MTHFD2: variants seen among roughly 807,000 people sequenced by gnomAD.
The protein encoded by MTHFD2 is bifunctional methylenetetrahydrofolate dehydrogenase/cyclohydrolase, mitochondrial.
Under a neutral mutation model 36.8 loss-of-function variants are expected in MTHFD2, and 26 were observed. The observed-to-expected ratio is 0.71, with a 90% CI of 0.52 to 0.98. MTHFD2 has a LOEUF of 0.98. Ranked by LOEUF, MTHFD2 falls within the 50% of genes least tolerant of loss-of-function variation. The probability of loss-of-function intolerance (pLI) is 0.00; values close to 1 mark genes in which losing one functional copy is unlikely to be tolerated. For synonymous variants in MTHFD2, 164 were observed against 155.2 expected (o/e 1.06, Z -0.42); for missense variants, 373 against 434.0 (o/e 0.86, Z 1.25).
intron 1 of MTHFD2, among the ~76,000 whole-genome samples, chr2:74,204,428 C>G (rs1694131527): frequency 6.6e-6 from 1 of 152,172 alleles, no homozygotes; most frequent in East Asian, 1.9e-4. Flanking sequence ...CCCACCTCAG[C>G]AACAGTTTTC....
At chr2:74,210,267 ATAAATT>A (rs1642541217) in intron 5 of MTHFD2, among the ~76,000 whole-genome samples, 1 of 152,366 alleles carries the variant, frequency 6.6e-6, no homozygotes, top group African/African-American at 2.4e-5. Context: ...AGCTTCAGAA[ATAAATT>A]TAAGTTTTGA....
chr2:74,211,158 CT>C, intron 5 of MTHFD2, 40 bp from the exon 6 acceptor site: 2 of 1,321,026 alleles, frequency 1.5e-6, no homozygotes, highest in Non-Finnish European at 2.2e-6. Context: ...CCAATCCCAG[CT>C]TTGTGTCAGA....
At chr2:74,200,586 G>A (rs1194573599) in intron 1 of MTHFD2, among the ~76,000 whole-genome samples, 2 of 151,330 alleles carry the variant, frequency 1.3e-5, no homozygotes, top group Non-Finnish European at 2.9e-5. Flanking sequence ...AGAGTTTCAG[G>A]AACATAAACC....
rs1422658385 is a variant in MTHFD2 at position 74,207,777 on chromosome 2, G to T, written c.360G>T (p.Leu120=). ...EEELLNLINK[L]NNDDNVDGLL... ...AATTGTTGAATTTAATCAATAAACTGAATAATGATGATAATGTAGATGGCC... is the reference window on the plus strand; with the variant it reads ...AATTGTTGAATTTAATCAATAAACTTAATAATGATGATAATGTAGATGGCC... The change falls in exon 3 of 8, where the codon CTG becomes CTT. Residue 120 remains leucine (L), a synonymous_variant. Transcript: ENST00000394053. 6 of 1,606,902 alleles carry T rather than the reference G, an allele frequency of 3.7e-6. No individual in the cohort carries two copies. The highest frequency in any genetic ancestry group is 5.1e-6 in the Non-Finnish European group (6 of 1,174,246).
At chr2:74,202,098 A>G (rs1033826845) in intron 1 of MTHFD2, among the ~76,000 whole-genome samples, 5 of 151,460 alleles carry the variant, frequency 3.3e-5, no homozygotes, top group Non-Finnish European at 5.9e-5. Flanking sequence ...TGCTAATACC[A>G]TTTTCTCTAA....
At position 74,216,252 on chromosome 2, in the gene MTHFD2, G is replaced by A. The variant is rs1457758761; in HGVS notation, c.*2010G>A. On this transcript the variant is annotated 3_prime_UTR_variant, in exon 8 of 8. Transcript: ENST00000394053. ...AAATGTGGAGCAAGATGACCAGACA[G>A]GATTAAATTTTATTGAATTACAGTT... The A allele has an allele frequency of 6.6e-6, 1 of 152,172 alleles. No individual in the cohort carries two copies. The highest frequency in any genetic ancestry group is 2.4e-5 in the African/African-American group (1 of 41,436). The allele number at this position is 152,172 out of a possible 1,614,324, so 9.4% of individuals were successfully genotyped here. A position where few individuals can be genotyped will look rare whatever the true frequency, so the allele number is the denominator to read the frequency against.
intron 1 of MTHFD2, among the ~76,000 whole-genome samples, chr2:74,200,670 C>T (rs966693663): frequency 7.2e-5 from 11 of 151,906 alleles, no homozygotes; most frequent in Non-Finnish European, 1.5e-4. Context: ...AGAAGTTTGC[C>T]TTTGAATCTT....
intron 7 of MTHFD2, 123 bp from the exon 8 acceptor site, chr2:74,213,956 G>A (rs1694370245): frequency 9.6e-7 from 1 of 1,046,530 alleles, no homozygotes; most frequent in Admixed American, 2.4e-5. Flanking sequence ...ATGTAGATGT[G>A]ATTTTTGAGT....
At chr2:74,203,799 G>A (rs368342189) in intron 1 of MTHFD2, among the ~76,000 whole-genome samples, 1 of 149,624 alleles carries the variant, frequency 6.7e-6, no homozygotes, top group Non-Finnish European at 1.5e-5. Flanking sequence ...AAAGGGAAAG[G>A]CTTTTTTTAA....
At chr2:74,204,901 C>A (rs1208672274) in intron 1 of MTHFD2, among the ~76,000 whole-genome samples, 1 of 152,226 alleles carries the variant, frequency 6.6e-6, no homozygotes, top group African/African-American at 2.4e-5. Context: ...TCTCAGCTCA[C>A]CGCAACCTCT....
intron 6 of MTHFD2, chr2:74,211,494 T>A (rs1246831261): frequency 2.1e-6 from 1 of 475,458 alleles, no homozygotes; most frequent in East Asian, 3.3e-5. Flanking sequence ...TGAATGTTAT[T>A]CCTAAAGCTT....
At position 74,203,871 on chromosome 2, in the gene MTHFD2, G is replaced by GTT. The variant is rs1447321520; in HGVS notation, c.102-1832_102-1831dup. Among the ~76,000 whole-genome samples the GTT allele has an allele frequency of 4.2e-4, 18 of 42,820 alleles. No homozygotes were observed. The South Asian group carries it at 8.3e-3, about 20-fold the overall frequency. The allele number at this position is 42,820 out of a possible 152,430, so 28.1% of individuals were successfully genotyped here. A position where few individuals can be genotyped will look rare whatever the true frequency, so the allele number is the denominator to read the frequency against. ...GTTTAGTTTAGTTTAGTTTAGTTTA[G>GTT]TTTAGTTTAGTTTAGTTTAGTTTAG... On this transcript the variant is annotated intron_variant, in intron 1 of 7. Transcript: ENST00000394053.
chr2:74,206,521 C>T (rs1419169861), intron 2 of MTHFD2: 1 of 152,252 alleles, frequency 6.6e-6, no homozygotes, highest in East Asian at 1.9e-4. Context: ...GCCTGCCCAT[C>T]TGTGGGCCTG....
rs1572994046 is a variant in MTHFD2 at position 74,217,127 on chromosome 2, G to A, written c.*2885G>A. ...CAATTACCTGTCCTATACTCAAGGTGTTAATGATCTAGTGTCATTTTTCTT... is the reference window on the plus strand; with the variant it reads ...CAATTACCTGTCCTATACTCAAGGTATTAATGATCTAGTGTCATTTTTCTT... On this transcript the variant is annotated 3_prime_UTR_variant, in exon 8 of 8. Transcript: ENST00000394053. 1 of 152,324 alleles carries A rather than the reference G, an allele frequency of 6.6e-6. No homozygotes were observed. Among genetic ancestry groups the A allele is most frequent in the African/African-American group, 2.4e-5 (1 of 41,570 alleles). 9.4% of individuals were successfully genotyped at this position (152,324 alleles called of 1,614,324 possible).
chr2:74,205,149 A>G (rs963996716), intron 1 of MTHFD2, among the ~76,000 whole-genome samples: 7 of 152,080 alleles, frequency 4.6e-5, no homozygotes, highest in African/African-American at 1.7e-4. Context: ...TCAACTACAG[A>G]ATATAATTTA....
chr2:74,205,962 G>T, intron 2 of MTHFD2, 73 bp downstream of exon 2: 1 of 1,486,958 alleles, frequency 6.7e-7, no homozygotes, highest in East Asian at 2.3e-5. Flanking sequence ...TCTAATTTAT[G>T]ATTTCTTTTT....
At chr2:74,203,259 G>A (rs76936058) in intron 1 of MTHFD2, among the ~76,000 whole-genome samples, 16,699 of 152,110 alleles carry the variant, frequency 0.11, 1,321 homozygotes, top group East Asian at 0.38. Context: ...GCCCACCTTG[G>A]CCTCCCAAAA....
Position 74,205,812 on chromosome 2 carries a change from T to G in MTHFD2, c.209T>G (p.Leu70Arg). The change falls in exon 2 of 8, where the codon CTG becomes CGG. Residue 70 changes from leucine (L) to arginine (R), a missense_variant. By Grantham distance (102) the Leu-to-Arg change is moderately radical (BLOSUM62 -2). This residue lies in a region of MTHFD2 where 308 missense variants were observed against 397.8 expected (regional missense o/e 0.77). Coordinates refer to ENST00000394053, the MANE Select transcript of MTHFD2 (RefSeq NM_006636.4). Reference sequence around the variant, plus strand: ...GCCTCAGGCAACAAACGGCCACACCTGAGTGTGATCCTGGTTGGCGAGAAT... The same window carrying G: ...GCCTCAGGCAACAAACGGCCACACCGGAGTGTGATCCTGGTTGGCGAGAAT... ...WVASGNKRPH[L>R]SVILVGENPA... 6.2e-6 allele frequency: 10 copies of G among 1,613,820 alleles called. No individual in the cohort carries two copies. The highest frequency in any genetic ancestry group is 1.3e-5 in the African/African-American group (1 of 74,982).
In MTHFD2 at chr2:74,214,403, T is replaced by C; in HGVS notation, c.*161T>C. 1 of 687,436 alleles carries C rather than the reference T, an allele frequency of 1.5e-6. No individual in the cohort carries two copies. The allele number at this position is 687,436 out of a possible 1,614,324, so 42.6% of individuals were successfully genotyped here. On this transcript the variant is annotated 3_prime_UTR_variant, in exon 8 of 8. Transcript: ENST00000394053. ...ATGGGTGGGTGTTTCTGCACATACC[T>C]CTGCAGTACCTCACCAGGGAGCATT...
Sources: allele counts gnomAD v4.1 joint callset (sites outside exome capture counted in the v4.1 genomes callset), GRCh38; gene constraint gnomAD v4.1.1; regional missense constraint gnomAD v4.1.1; transcripts MANE v1.5; gene names NCBI Gene and HGNC (gene_info 2026-07-23, HGNC 2026-07-21).